The following CATSPERG variants were observed in gnomAD, a reference collection of about 807,000 sequenced individuals.
CATSPERG encodes the protein cation channel sperm-associated auxiliary subunit gamma.
Under a neutral mutation model 145.0 loss-of-function variants are expected in CATSPERG, and 115 were observed. That is an observed-to-expected ratio of 0.79 (90% CI 0.68 to 0.93). The LOEUF (loss-of-function observed/expected upper bound fraction) is 0.93. Ranked by LOEUF, CATSPERG falls within the 40% of genes least tolerant of loss-of-function variation. CATSPERG has a pLI of 0.00. For missense variants in CATSPERG, 1,296 were observed against 1,490.1 expected (o/e 0.87, Z 2.14); for synonymous variants, 588 against 589.0 (o/e 1.00, Z 0.02).
In CATSPERG at chr19:38,360,653, C is replaced by T. The variant is rs770698078; in HGVS notation, c.1767+6C>T. ...AAGACAGCAAACTGTACCAGGTGCC[C>T]GGTGGAGCTATGCGGGGACATCGGG... is the stretch of plus-strand genomic sequence containing the variant. On this transcript the variant is annotated splice_donor_region_variant and intron_variant, in intron 15 of 28. Transcript: ENST00000409235. The T allele has an allele frequency of 2.0e-5, 32 of 1,614,062 alleles. No individual in the cohort carries two copies. In the Admixed American group the frequency reaches 2.7e-4, roughly 13 times the overall value.
At chr19:38,359,342 G>C in intron 13 of CATSPERG, 128 bp from the exon 14 acceptor site, 1 of 589,854 alleles carries the variant, frequency 1.7e-6, no homozygotes, top group Non-Finnish European at 3.1e-6. Context: ...GCGGGAGCTA[G>C]GATTTCAAGC....
chr19:38,363,918 C>T (rs1970398642), intron 20 of CATSPERG, among the ~76,000 whole-genome samples: 1 of 152,276 alleles, frequency 6.6e-6, no homozygotes, highest in Non-Finnish European at 1.5e-5. Flanking sequence ...CCCACCCTTC[C>T]CCGCTTTCCA....
chr19:38,367,861 C>A, intron 25 of CATSPERG, 85 bp downstream of exon 25: 3 of 1,333,736 alleles, frequency 2.2e-6, no homozygotes, highest in Non-Finnish European at 3.2e-6. Flanking sequence ...ACCTCGCAAG[C>A]CCCCACCTCT....
chr19:38,338,296 C>T lies in CATSPERG; in HGVS notation c.324+650C>T, dbSNP rs368831449. ...CCCAAGTAGCTGGGACTACAGGCGC[C>T]TGCCACCACGCCCGGCTAATTTTTT... On this transcript the variant is annotated intron_variant, in intron 3 of 28. Coordinates refer to ENST00000409235, the MANE Select transcript of CATSPERG (RefSeq NM_021185.5). Among the ~76,000 whole-genome samples, 1,041 of 151,806 alleles carry T rather than the reference C, an allele frequency of 6.9e-3. 7 individuals carry two copies. The highest frequency in any genetic ancestry group is 0.024 in the African/African-American group (999 of 41,426).
chr19:38,370,800 A>C lies in CATSPERG; in HGVS notation c.*8A>C, dbSNP rs1254766004. ...AGACAGTTGATGACCTGAGTGTCCC[A>C]CCTGCCCCAGCCCCCAGTTACTGTC... is the stretch of plus-strand genomic sequence containing the variant. On this transcript the variant is annotated 3_prime_UTR_variant, in exon 29 of 29. Transcript: ENST00000409235. 1 of 1,610,256 alleles carries C rather than the reference A, an allele frequency of 6.2e-7. No homozygotes were observed. The highest frequency in any genetic ancestry group is 8.5e-7 in the Non-Finnish European group (1 of 1,177,128).
chr19:38,368,150 C>G lies in CATSPERG; in HGVS notation c.3020+13C>G. 1 of 1,612,488 alleles carries G rather than the reference C, an allele frequency of 6.2e-7. No individual in the cohort carries two copies. Among genetic ancestry groups the G allele is most frequent in the Non-Finnish European group, 8.5e-7 (1 of 1,178,558 alleles). Reference sequence around the variant, plus strand: ...GCCCAGGCATCGAGTGAGTGCGTAGCCTGGCCCCTCTTGGCCCCCATCTGT... The same window carrying G: ...GCCCAGGCATCGAGTGAGTGCGTAGGCTGGCCCCTCTTGGCCCCCATCTGT... On this transcript the variant is annotated intron_variant, in intron 26 of 28. Transcript: ENST00000409235.
Position 38,370,018 on chromosome 19 carries a change from G to A in CATSPERG, c.3067G>A (p.Gly1023Ser), listed in dbSNP as rs1342300214. Reference sequence around the variant, plus strand: ...CCCATGCTATGACAATGTTCCCCAAGGCATCTTTGCCCCTGAATTCTTCTT... The same window carrying A: ...CCCATGCTATGACAATGTTCCCCAAAGCATCTTTGCCCCTGAATTCTTCTT... ...NAPCYDNVPQ[G>S]IFAPEFFFKV... Residue 1023 changes from glycine (G) to serine (S), a missense_variant, in exon 27 of 29, where the codon GGC (glycine) becomes AGC (serine). By Grantham distance (56) the Gly-to-Ser change is moderately conservative. Coordinates refer to ENST00000409235, the MANE Select transcript of CATSPERG (RefSeq NM_021185.5). 1 of 1,614,218 alleles carries A rather than the reference G, an allele frequency of 6.2e-7. No homozygotes were observed. The highest frequency in any genetic ancestry group is 2.2e-5 in the East Asian group (1 of 44,888).
chr19:38,356,999 G>C lies in CATSPERG; in HGVS notation c.1315+138G>C, dbSNP rs981507397. On this transcript the variant is annotated intron_variant, in intron 11 of 28. Coordinates refer to ENST00000409235, the MANE Select transcript of CATSPERG (RefSeq NM_021185.5). The stretch of plus-strand genomic sequence containing the variant: ...CTGTGTCACTCCTGGTTGAGGAGTA[G>C]CAGTGGAGAACAGGATATAGGCTTG... The C allele has an allele frequency of 2.0e-5, 22 of 1,122,628 alleles. No homozygotes were observed. In the African/African-American group the frequency reaches 3.1e-4, roughly 16 times the overall value. 69.5% of individuals were successfully genotyped at this position (1,122,628 alleles called of 1,614,324 possible). A position where few individuals can be genotyped will look rare whatever the true frequency, so the allele number is the denominator to read the frequency against.
chr19:38,364,178 G>A (rs550133132), intron 20 of CATSPERG, among the ~76,000 whole-genome samples: 4 of 152,132 alleles, frequency 2.6e-5, no homozygotes, highest in Admixed American at 1.3e-4. Flanking sequence ...GGTGGCTGCC[G>A]GGCGGAGACG....
intron 14 of CATSPERG, chr19:38,360,241 A>G (rs1259811506): frequency 1.0e-6 from 1 of 985,194 alleles, no homozygotes; most frequent in Non-Finnish European, 1.2e-6. Flanking sequence ...CCAGAAACCC[A>G]AACAGACCGA....
At chr19:38,351,302 A>T in intron 7 of CATSPERG, among the ~76,000 whole-genome samples, 1 of 152,054 alleles carries the variant, frequency 6.6e-6, no homozygotes, top group Middle Eastern at 3.4e-3. Flanking sequence ...CTACACAGTT[A>T]TTTATTTATT....
In CATSPERG at chr19:38,367,780, A is replaced by G. The variant is rs921043525; in HGVS notation, c.2930+4A>G. ...GCTTCAACAGCCCCCTGGACAAGTA[A>G]TCCCCGTGGGGTCCCACGTGTAATC... On this transcript the variant is annotated splice_donor_region_variant and intron_variant, in intron 25 of 28. Coordinates refer to ENST00000409235, the MANE Select transcript of CATSPERG (RefSeq NM_021185.5). The G allele has an allele frequency of 2.7e-5, 44 of 1,613,280 alleles. No individual in the cohort carries two copies. Among genetic ancestry groups the G allele is most frequent in the Non-Finnish European group, 3.7e-5 (44 of 1,179,300 alleles).
At chr19:38,337,183 C>G in intron 1 of CATSPERG, 38 bp from the exon 2 acceptor site, 1 of 1,540,478 alleles carries the variant, frequency 6.5e-7, no homozygotes, top group South Asian at 1.2e-5. Flanking sequence ...CTCCAGAGAG[C>G]TGTCCGGCGC....
At chr19:38,343,877 G>A (rs1969979671) in intron 4 of CATSPERG, 116 bp from the exon 5 acceptor site, 2 of 1,426,770 alleles carry the variant, frequency 1.4e-6, no homozygotes, top group African/African-American at 1.4e-5. Context: ...GCCCCAGTGG[G>A]ACCCATGGCG....
chr19:38,337,307 C>T lies in CATSPERG; in HGVS notation c.73C>T (p.Leu25=). Residue 25 remains leucine, a synonymous_variant, in exon 2 of 29, where the codon CTG becomes TTG. Transcript: ENST00000409235. The stretch of plus-strand genomic sequence containing the variant: ...CCGAGTCGTGCAGGTGCTGTGGGCC[C>T]TGCTGGCAGTGCTCCTGGCGTCGTG... The part of the protein sequence containing the change: ...RVRVVQVLWA[L]LAVLLASWRL... 1.3e-6 allele frequency: 2 copies of T among 1,551,350 alleles called. No individual in the cohort carries two copies. Among genetic ancestry groups the T allele is most frequent in the Non-Finnish European group, 8.7e-7 (1 of 1,146,904 alleles).
At chr19:38,348,078 T>C (rs574552944) in intron 7 of CATSPERG, among the ~76,000 whole-genome samples, 9 of 152,342 alleles carry the variant, frequency 5.9e-5, no homozygotes, top group African/African-American at 2.2e-4. Flanking sequence ...GTGGAATTTG[T>C]TCAGTTTGTG....
chr19:38,344,899 ATATTTTT>A (rs1568372930), intron 6 of CATSPERG, among the ~76,000 whole-genome samples: 1 of 93,056 alleles, frequency 1.1e-5, no homozygotes, highest in East Asian at 4.1e-4. Flanking sequence ...ATATATATAT[ATATTTTT>A]TTTTTTTTTT....
intron 6 of CATSPERG, among the ~76,000 whole-genome samples, chr19:38,345,964 G>A (rs1970034691): frequency 6.6e-6 from 1 of 152,214 alleles, no homozygotes; most frequent in Non-Finnish European, 1.5e-5. Context: ...CACTCTAGTG[G>A]GGGAGACAGA....
chr19:38,349,652 G>T (rs75317282), intron 7 of CATSPERG: 11,354 of 145,806 alleles, frequency 0.078, 633 homozygotes, highest in East Asian at 0.32. Flanking sequence ...GTTTTTTTTT[G>T]TTTGTTTGTT....
Sources: gnomAD v4.1 joint callset for allele counts (sites outside exome capture counted in the v4.1 genomes callset) on GRCh38, gnomAD v4.1.1 for gene constraint, MANE v1.5 for transcripts, NCBI Gene and HGNC (gene_info 2026-07-23, HGNC 2026-07-21) for gene names.